BFAR: variants seen among roughly 807,000 people sequenced by gnomAD.
BFAR encodes the protein RING finger protein 47.
BFAR carries 52 observed loss-of-function variants against 54.4 expected under a neutral mutation model. The ratio of observed to expected loss-of-function variants is 0.96; its 90% CI spans 0.77 to 1.21. The LOEUF (loss-of-function observed/expected upper bound fraction) is 1.21, where lower values mean the gene tolerates loss of function less well. Ranked by LOEUF, BFAR falls within the 50% of genes most tolerant of loss-of-function variation. BFAR has a pLI of 0.00. For missense variants in BFAR, 571 were observed against 534.0 expected (o/e 1.07, Z -0.68); for synonymous variants, 215 against 204.3 (o/e 1.05, Z -0.45).
chr16:14,638,998 T>G (rs1959539422), intron 1 of BFAR, among the ~76,000 whole-genome samples: 1 of 152,126 alleles, frequency 6.6e-6, no homozygotes, highest in South Asian at 2.1e-4. Flanking sequence ...TGATTTCTCT[T>G]TAATAAACGC....
intron 5 of BFAR, among the ~76,000 whole-genome samples, chr16:14,660,933 G>C (rs934777062): frequency 6.6e-6 from 1 of 151,558 alleles, no homozygotes; most frequent in Admixed American, 6.6e-5. Flanking sequence ...ACTGGGTCTT[G>C]CTTTGTTGCT....
Position 14,644,588 on chromosome 16 carries a change from C to T in BFAR, c.242C>T (p.Pro81Leu). The change falls in exon 2 of 8, where the codon CCC becomes CTC. Residue 81 changes from proline (P) to leucine (L), a missense_variant. Transcript: ENST00000261658. ...PECREKWEGFPKVSILLRDAI... is the reference protein window; with the variant it reads ...PECREKWEGFLKVSILLRDAI... ...TGCAGAGAAAAATGGGAAGGTTTCC[C>T]CAAAGTCAGTATTCTCCTCAGGTAA... 2 of 1,613,636 alleles carry T rather than the reference C, an allele frequency of 1.2e-6. No individual in the cohort carries two copies. Among genetic ancestry groups the T allele is most frequent in the Non-Finnish European group, 8.5e-7 (1 of 1,179,962 alleles).
intron 7 of BFAR, chr16:14,667,331 G>T (rs866282976): frequency 5.3e-6 from 2 of 374,640 alleles, no homozygotes; most frequent in Middle Eastern, 7.4e-4. Context: ...AAAGGAATGA[G>T]ACCCTGTCTC....
At chr16:14,636,678 CAG>C (rs1567482398) in intron 1 of BFAR, among the ~76,000 whole-genome samples, 2 of 152,226 alleles carry the variant, frequency 1.3e-5, no homozygotes, top group African/African-American at 2.4e-5. Flanking sequence ...CTCCTCAGCA[CAG>C]ACCCTTTACG....
chr16:14,661,326 A>G (rs1244450503), intron 5 of BFAR, among the ~76,000 whole-genome samples: 1 of 144,950 alleles, frequency 6.9e-6, no homozygotes, highest in African/African-American at 2.5e-5. Context: ...AAAAGGCTAT[A>G]TTCTGCAAGC....
At chr16:14,652,775 A>G (rs976936341) in intron 4 of BFAR, among the ~76,000 whole-genome samples, 1 of 152,120 alleles carries the variant, frequency 6.6e-6, no homozygotes, top group African/African-American at 2.4e-5. Context: ...ATGTGTTTGT[A>G]TGTATACATG....
chr16:14,648,263 A>G lies in BFAR; in HGVS notation c.264-125A>G, dbSNP rs1028555670. The G allele has an allele frequency of 2.9e-5, 21 of 725,012 alleles. No homozygotes were observed. The African/African-American group carries it at 3.4e-4, about 12-fold the overall frequency. The allele number at this position is 725,012 out of a possible 1,614,324, so 44.9% of individuals were successfully genotyped here. A position where few individuals can be genotyped will look rare whatever the true frequency, so the allele number is the denominator to read the frequency against. On this transcript the variant is annotated intron_variant, in intron 2 of 7. Transcript: ENST00000261658. ...GCTTTTACCCACAGGACTATAATACATTTCTTGTCAGTTCTCCTAGGGTAG... is the reference window on the plus strand; with the variant it reads ...GCTTTTACCCACAGGACTATAATACGTTTCTTGTCAGTTCTCCTAGGGTAG...
intron 5 of BFAR, among the ~76,000 whole-genome samples, chr16:14,657,207 A>G (rs1200172087): frequency 6.6e-6 from 1 of 151,924 alleles, no homozygotes; most frequent in Non-Finnish European, 1.5e-5. Flanking sequence ...CTGAAATAGA[A>G]TGTTTGTTAT....
In BFAR at chr16:14,661,876, C is replaced by T. The variant is rs761633536; in HGVS notation, c.784-16C>T. On this transcript the variant is annotated splice_polypyrimidine_tract_variant and intron_variant, in intron 5 of 7. Transcript: ENST00000261658. ...GCCATGGTTGTAATGTGGCCCTGTA[C>T]TCTTCTCCTCTGCAGGCTGTGAACC... 54 of 1,613,776 alleles carry T rather than the reference C, an allele frequency of 3.3e-5. No homozygotes were observed. The highest frequency in any genetic ancestry group is 3.3e-4 in the Middle Eastern group (2 of 6,082).
intron 5 of BFAR, among the ~76,000 whole-genome samples, chr16:14,660,351 A>G (rs1472330851): frequency 1.3e-5 from 2 of 152,008 alleles, no homozygotes; most frequent in African/African-American, 4.8e-5. Flanking sequence ...CAATGGCAAG[A>G]TCTTGGCTCA....
At position 14,661,205 on chromosome 16, in the gene BFAR, G is replaced by A. The variant is rs746066951; in HGVS notation, c.784-687G>A. 1.0e-3 allele frequency among the ~76,000 whole-genome samples: 158 copies of A among 152,066 alleles called. 1 individual carries two copies. Among genetic ancestry groups the A allele is most frequent in the Non-Finnish European group, 1.8e-3 (121 of 68,028 alleles). On this transcript the variant is annotated intron_variant, in intron 5 of 7. Transcript: ENST00000261658. ...CACTCAGTGTAGTACTAAACATCTTGTATATAAAATCTGTATTTCAGATTA... is the reference window on the plus strand; with the variant it reads ...CACTCAGTGTAGTACTAAACATCTTATATATAAAATCTGTATTTCAGATTA...
At chr16:14,641,185 T>G (rs1959614530) in intron 1 of BFAR, among the ~76,000 whole-genome samples, 1 of 152,208 alleles carries the variant, frequency 6.6e-6, no homozygotes, top group African/African-American at 2.4e-5. Flanking sequence ...TAAACACAAG[T>G]GTATCCATAT....
chr16:14,654,265 C>T (rs1960058016), intron 4 of BFAR, among the ~76,000 whole-genome samples: 1 of 151,858 alleles, frequency 6.6e-6, no homozygotes, highest in Non-Finnish European at 1.5e-5. Flanking sequence ...CCCGCCTCGG[C>T]CTCCCAAAGT....
Position 14,661,922 on chromosome 16 carries a change from C to T in BFAR, c.814C>T (p.Leu272=). The change falls in exon 6 of 8, where the codon CTA becomes TTA. Residue 272 remains leucine, a synonymous_variant. Coordinates refer to ENST00000261658, the MANE Select transcript of BFAR (RefSeq NM_016561.3). ...AVNPGRSLFL[L]YALKSSPRLS... is the part of the protein sequence containing the mutation. ...GAACCCAGGCAGGTCCCTGTTCCTG[C>T]TATACGCCCTCAAGAGCTCCCCCAG... is the stretch of plus-strand genomic sequence containing the variant. 1 of 1,614,190 alleles carries T rather than the reference C, an allele frequency of 6.2e-7. No individual in the cohort carries two copies. The highest frequency in any genetic ancestry group is 2.2e-5 in the East Asian group (1 of 44,874).
Position 14,648,497 on chromosome 16 carries a change from G to T in BFAR, c.373G>T (p.Asp125Tyr). Reference protein sequence around the residue: ...SLAAFQKYGNDQIPLAPNTGR... With the variant: ...SLAAFQKYGNYQIPLAPNTGR... ...TGCAGCCTTTCAGAAATATGGGAAT[G>T]ATCAGATTCCTTTAGCTCCTAACAC... Residue 125 changes from aspartate to tyrosine, a missense_variant, in exon 3 of 8, where the codon GAT becomes TAT. Physicochemically the swap from Asp to Tyr is radical, Grantham distance 160. Coordinates refer to ENST00000261658, the MANE Select transcript of BFAR (RefSeq NM_016561.3). The T allele has an allele frequency of 6.2e-7, 1 of 1,613,786 alleles. No homozygotes were observed. Among genetic ancestry groups the T allele is most frequent in the Non-Finnish European group, 8.5e-7 (1 of 1,179,690 alleles).
Position 14,666,253 on chromosome 16 carries a change from A to G in BFAR, c.1160+1182A>G, listed in dbSNP as rs186110582. Among the ~76,000 whole-genome samples, 5 of 152,316 alleles carry G rather than the reference A, an allele frequency of 3.3e-5. No homozygotes were observed. The East Asian group carries it at 9.6e-4, about 29-fold the overall frequency. The stretch of plus-strand genomic sequence containing the variant: ...CCCTACCCAGACCACATGGAAAAGA[A>G]CAAAGGAGAGAGAATCCCCAAAACT... On this transcript the variant is annotated intron_variant, in intron 7 of 7. Coordinates refer to ENST00000261658, the MANE Select transcript of BFAR (RefSeq NM_016561.3).
chr16:14,654,454 G>T (rs1231902825), intron 4 of BFAR, among the ~76,000 whole-genome samples: 1 of 149,830 alleles, frequency 6.7e-6, no homozygotes, highest in Non-Finnish European at 1.5e-5. Context: ...ACCTAGGAGT[G>T]CCTTGGGAAA....
chr16:14,640,246 CA>C (rs1211260944), intron 1 of BFAR, among the ~76,000 whole-genome samples: 5 of 151,584 alleles, frequency 3.3e-5, no homozygotes, highest in Admixed American at 3.3e-4. Context: ...TGCCTAGAAA[CA>C]ACCATATATA....
chr16:14,665,322 A>T, intron 7 of BFAR: 25 of 318,014 alleles, frequency 7.9e-5, no homozygotes, highest in Non-Finnish European at 9.4e-5. Context: ...ATACCATTTA[A>T]TTTCAGGGGG....
Sources: gnomAD v4.1 joint callset for allele counts (sites outside exome capture counted in the v4.1 genomes callset) on GRCh38, gnomAD v4.1.1 for gene constraint, MANE v1.5 for transcripts, NCBI Gene and HGNC (gene_info 2026-07-23, HGNC 2026-07-21) for gene names.